The following RAD51B variants were observed in gnomAD, a reference collection of about 807,000 sequenced individuals.
The protein encoded by RAD51B is RAD51 paralog B.
Under a neutral mutation model 42.2 loss-of-function variants are expected in RAD51B, and 38 were observed. The observed-to-expected ratio is 0.90, with a 90% CI of 0.70 to 1.18. RAD51B has a LOEUF of 1.18. RAD51B is among the 50% of genes most tolerant of loss of function. The probability of loss-of-function intolerance (pLI) is 0.00; values close to 1 mark genes in which losing one functional copy is unlikely to be tolerated. For missense variants in RAD51B, 373 were observed against 400.7 expected, an observed-to-expected ratio of 0.93 and a Z score of 0.59; for synonymous variants, 154 against 145.2, an observed-to-expected ratio of 1.06 and a Z score of -0.43.
At chr14:68,432,058 GT>G (rs557394231) in intron 9 of RAD51B, among the ~76,000 whole-genome samples, 50 of 152,322 alleles carry the variant, frequency 3.3e-4, no homozygotes, top group African/African-American at 1.0e-3. Flanking sequence ...TAGTTGAGCG[GT>G]TTTGAGTGAG....
intron 7 of RAD51B, among the ~76,000 whole-genome samples, chr14:68,256,880 T>G (rs2080765021): frequency 6.6e-6 from 1 of 152,200 alleles, no homozygotes. Flanking sequence ...TTTATTCATA[T>G]AAGGGATATT....
At chr14:68,667,585 C>T (rs1299849530) in intron 11 of RAD51B, among the ~76,000 whole-genome samples, 1 of 152,192 alleles carries the variant, frequency 6.6e-6, no homozygotes, top group African/African-American at 2.4e-5. Flanking sequence ...CCATGCTCCT[C>T]CATATATTAG....
At chr14:68,475,754 G>A (rs1187971437) in intron 10 of RAD51B, among the ~76,000 whole-genome samples, 5 of 151,872 alleles carry the variant, frequency 3.3e-5, no homozygotes, top group African/African-American at 1.2e-4. Flanking sequence ...TTATTCCAAG[G>A]CCTGGACTAT....
chr14:68,656,315 G>A (rs1022018785), intron 11 of RAD51B, among the ~76,000 whole-genome samples: 3 of 152,106 alleles, frequency 2.0e-5, no homozygotes, highest in Non-Finnish European at 4.4e-5. Flanking sequence ...ATGACTATAG[G>A]TATCCTGCCT....
intron 10 of RAD51B, chr14:68,540,170 T>G: frequency 1.5e-6 from 1 of 656,984 alleles, no homozygotes; most frequent in Non-Finnish European, 1.9e-6. Context: ...CTGCTCCTTT[T>G]TTTTTTTTTT....
chr14:67,997,600 C>G (rs2075406941), intron 7 of RAD51B, among the ~76,000 whole-genome samples: 1 of 152,050 alleles, frequency 6.6e-6, no homozygotes, highest in Admixed American at 6.5e-5. Context: ...GGTTTTCTTT[C>G]TATTTATGCT....
At chr14:67,982,236 C>T (rs1007207769) in intron 7 of RAD51B, among the ~76,000 whole-genome samples, 7 of 151,906 alleles carry the variant, frequency 4.6e-5, no homozygotes, top group Non-Finnish European at 7.4e-5. Flanking sequence ...TGTCTGGCCC[C>T]AATTGTACAC....
At chr14:68,666,067 G>A (rs1893027971) in intron 11 of RAD51B, among the ~76,000 whole-genome samples, 2 of 152,154 alleles carry the variant, frequency 1.3e-5, no homozygotes, top group Non-Finnish European at 2.9e-5. Flanking sequence ...GTATAGAGCT[G>A]GAATTGCTGT....
At chr14:68,286,027 ATCTTGACCATCTTTC>A (rs2081408153) in intron 7 of RAD51B, among the ~76,000 whole-genome samples, 1 of 152,206 alleles carries the variant, frequency 6.6e-6, no homozygotes, top group African/African-American at 2.4e-5. Context: ...ACAGTGTAGC[ATCTTGACCATCTTTC>A]AGTGTATTTC....
At chr14:68,173,740 T>C (rs2078915002) in intron 7 of RAD51B, among the ~76,000 whole-genome samples, 1 of 152,188 alleles carries the variant, frequency 6.6e-6, no homozygotes, top group Admixed American at 6.5e-5. Context: ...CTTCTTTCCT[T>C]GGGCTGGAAC....
At chr14:67,936,071 T>A (rs923618109) in intron 7 of RAD51B, among the ~76,000 whole-genome samples, 3 of 152,278 alleles carry the variant, frequency 2.0e-5, no homozygotes, top group South Asian at 4.1e-4. Flanking sequence ...AAAACAAAAA[T>A]TTTAACAGCT....
intron 7 of RAD51B, among the ~76,000 whole-genome samples, chr14:68,216,744 C>A (rs769733302): frequency 6.6e-6 from 1 of 152,138 alleles, no homozygotes; most frequent in Admixed American, 6.5e-5. Flanking sequence ...TTACATATCA[C>A]CTCCTCCATC....
intron 8 of RAD51B, among the ~76,000 whole-genome samples, chr14:68,334,918 G>GAT (rs1025309027): frequency 8.0e-6 from 1 of 124,996 alleles, no homozygotes; most frequent in African/African-American, 2.9e-5. Context: ...TATATTTTAT[G>GAT]ATATATATAC....
rs552116092 is a variant in RAD51B at position 68,602,461 on chromosome 14, G to A, written c.1037-8545G>A. On this transcript the variant is annotated intron_variant, in intron 10 of 10. Coordinates refer to the RAD51B transcript ENST00000487861. Reference sequence around the variant, plus strand: ...AAACAGAACCAACAGGGTTGGATGCGGATAGATGGGTGGGTGGGTGGATGG... The same window carrying A: ...AAACAGAACCAACAGGGTTGGATGCAGATAGATGGGTGGGTGGGTGGATGG... Among the ~76,000 whole-genome samples the A allele has an allele frequency of 5.3e-5, 8 of 151,690 alleles. No individual in the cohort carries two copies. In the South Asian group the frequency reaches 8.3e-4, roughly 16 times the overall value.
chr14:68,341,739 C>T (rs1006527241), intron 8 of RAD51B, among the ~76,000 whole-genome samples: 3 of 152,110 alleles, frequency 2.0e-5, no homozygotes, highest in South Asian at 2.1e-4. Flanking sequence ...TTTGTCAGTA[C>T]GTTCAAAAAG....
intron 7 of RAD51B, among the ~76,000 whole-genome samples, chr14:67,994,514 G>A (rs544405917): frequency 6.6e-6 from 1 of 152,222 alleles, no homozygotes; most frequent in Admixed American, 6.5e-5. Context: ...TTAAGCCCAG[G>A]TAGGGTGAGT....
chr14:67,885,852 A>G lies in RAD51B; in HGVS notation c.453-17A>G, dbSNP rs759445596. Reference sequence around the variant, plus strand: ...AGAATTGACTGTTTTCGTTTGTGCTATTTTTTTCACCCACAGACTGGTTGA... The same window carrying G: ...AGAATTGACTGTTTTCGTTTGTGCTGTTTTTTTCACCCACAGACTGGTTGA... On this transcript the variant is annotated splice_polypyrimidine_tract_variant and intron_variant, in intron 5 of 10. Transcript: ENST00000471583. The G allele has an allele frequency of 4.0e-5, 63 of 1,578,802 alleles. No homozygotes were observed. The highest frequency in any genetic ancestry group is 5.3e-5 in the Non-Finnish European group (61 of 1,160,782).
At chr14:67,888,266 T>C (rs1416781876) in intron 7 of RAD51B, among the ~76,000 whole-genome samples, 1 of 152,214 alleles carries the variant, frequency 6.6e-6, no homozygotes, top group Non-Finnish European at 1.5e-5. Flanking sequence ...TTTATTGTAG[T>C]TGGTTAAAAT....
At chr14:68,313,656 T>C (rs1479416545) in intron 8 of RAD51B, among the ~76,000 whole-genome samples, 2 of 152,172 alleles carry the variant, frequency 1.3e-5, no homozygotes, top group South Asian at 2.1e-4. Flanking sequence ...CTTATCTTAG[T>C]ACCTTGGCAC....
Sources: gnomAD v4.1 joint callset for allele counts (sites outside exome capture counted in the v4.1 genomes callset) on GRCh38, gnomAD v4.1.1 for gene constraint, MANE v1.5 for transcripts, NCBI Gene and HGNC (gene_info 2026-07-23, HGNC 2026-07-21) for gene names.